The following RBPJ variants were observed in gnomAD, a reference collection of about 807,000 sequenced individuals.
RBPJ encodes the protein recombining binding protein suppressor of hairless.
RBPJ carries 9 observed loss-of-function variants against 67.8 expected under a neutral mutation model. The ratio of observed to expected loss-of-function variants is 0.13; its 90% confidence interval spans 0.08 to 0.23. RBPJ has a LOEUF of 0.23. Ranked by LOEUF, RBPJ falls within the 10% of genes least tolerant of loss-of-function variation. The probability of loss-of-function intolerance (pLI) is 1.00; values close to 1 mark genes in which losing one functional copy is unlikely to be tolerated. For synonymous variants in RBPJ, 198 were observed against 203.3 expected (o/e 0.97, Z 0.22); for missense variants, 305 against 595.6 (o/e 0.51, Z 5.08).
chr4:26,194,052 C>T (rs545568392), intron 1 of RBPJ, among the ~76,000 whole-genome samples: 2 of 152,338 alleles, frequency 1.3e-5, no homozygotes, highest in African/African-American at 4.8e-5. Flanking sequence ...CTGATTATTA[C>T]ACCCAATTAT....
chr4:26,280,395 CAAAA>C (rs11295196), intron 1 of RBPJ, among the ~76,000 whole-genome samples: 20 of 86,782 alleles, frequency 2.3e-4, no homozygotes, highest in African/African-American at 6.4e-4. Flanking sequence ...CACTTCATCT[CAAAA>C]AAAAAAAAAA....
intron 1 of RBPJ, among the ~76,000 whole-genome samples, chr4:26,333,953 C>T (rs962211154): frequency 2.0e-5 from 3 of 152,132 alleles, no homozygotes; most frequent in African/African-American, 7.2e-5. Flanking sequence ...AGTTGTGAGC[C>T]ACTGTACATG....
chr4:26,222,167 C>T lies in RBPJ; in HGVS notation c.-167+58553C>T, dbSNP rs114530054. Among the ~76,000 whole-genome samples the T allele has an allele frequency of 3.9e-3, 594 of 152,258 alleles. 2 individuals carry two copies. The highest frequency in any genetic ancestry group is 9.8e-3 in the Admixed American group (150 of 15,288). Reference sequence around the variant, plus strand: ...AAATGTTCTTGCCTTGCAGCAAAATCGTTCACTTCTAGATAGGTAGTTGGG... The same window carrying T: ...AAATGTTCTTGCCTTGCAGCAAAATTGTTCACTTCTAGATAGGTAGTTGGG... On this transcript the variant is annotated intron_variant, in intron 1 of 4. Coordinates refer to the RBPJ transcript ENST00000512351.
rs1720657067 is a variant in RBPJ, at chr4:26,264,979, G to A, written c.-166-97467G>A. Among the ~76,000 whole-genome samples, 1 of 152,154 alleles carries A rather than the reference G, an allele frequency of 6.6e-6. No homozygotes were observed. On this transcript the variant is annotated intron_variant, in intron 1 of 4. Coordinates refer to the RBPJ transcript ENST00000512351. The surrounding 1 kb of genome is among the most constrained non-coding windows in gnomAD (Gnocchi z 4.1). ...CCTGCAAATATGAGACTCAAAGAAA[G>A]GACAGATGGTTGAAGTATTTATACC...
At chr4:26,138,810 A>C in the RBPJ span, among the ~76,000 whole-genome samples, 59 of 152,360 alleles carry the variant, frequency 3.9e-4, no homozygotes, top group African/African-American at 1.3e-3. Context: ...ATGAGGCCTG[A>C]GGGCCAATCT....
intron 1 of RBPJ, among the ~76,000 whole-genome samples, chr4:26,299,885 T>A (rs1722020430): frequency 6.6e-6 from 1 of 151,912 alleles, no homozygotes; most frequent in African/African-American, 2.4e-5. Flanking sequence ...GAGACGGAGA[T>A]TCACCATGTT....
intron 1 of RBPJ, among the ~76,000 whole-genome samples, chr4:26,165,559 A>G (rs186891304): frequency 5.1e-4 from 78 of 152,318 alleles, no homozygotes; most frequent in Non-Finnish European, 1.0e-3. Flanking sequence ...AATCTGAATG[A>G]GGGAAGGGGG....
intron 1 of RBPJ, among the ~76,000 whole-genome samples, chr4:26,327,840 G>C (rs1487485708): frequency 6.6e-6 from 1 of 151,596 alleles, no homozygotes; most frequent in Non-Finnish European, 1.5e-5. Context: ...GAAAGACCCT[G>C]TCTCAAAAAA....
At chr4:26,234,858 A>G (rs1719405341) in intron 1 of RBPJ, among the ~76,000 whole-genome samples, 2 of 151,882 alleles carry the variant, frequency 1.3e-5, no homozygotes, top group Admixed American at 6.6e-5. Context: ...ACGCCCAGCT[A>G]ATTTTTGTAT....
chr4:26,381,794 T>C (rs1239314409), intron 1 of RBPJ, among the ~76,000 whole-genome samples: 1 of 152,176 alleles, frequency 6.6e-6, no homozygotes, highest in Non-Finnish European at 1.5e-5. Context: ...GTTTTTGTTG[T>C]TGTTGTTATT....
intron 1 of RBPJ, among the ~76,000 whole-genome samples, chr4:26,299,830 C>T (rs759299665): frequency 6.6e-6 from 1 of 151,870 alleles, no homozygotes; most frequent in Non-Finnish European, 1.5e-5. Context: ...AGATGCCTGC[C>T]ACCACGCCTG....
chr4:26,110,212 C>T, the RBPJ span, among the ~76,000 whole-genome samples: 13 of 152,194 alleles, frequency 8.5e-5, no homozygotes, highest in Non-Finnish European at 1.5e-4. The surrounding 1 kb of genome is among the most constrained non-coding windows in gnomAD (Gnocchi z 4.5). Context: ...GTACTTCTTA[C>T]TCCATCTCCT....
chr4:26,280,302 G>A (rs376219266), intron 1 of RBPJ, among the ~76,000 whole-genome samples: 34 of 151,306 alleles, frequency 2.2e-4, no homozygotes, highest in East Asian at 9.9e-4. Context: ...AGGCTGAGGC[G>A]GGAGAATTGC....
intron 3 of RBPJ, among the ~76,000 whole-genome samples, chr4:26,411,191 C>T (rs750958662): frequency 5.9e-5 from 9 of 151,818 alleles, no homozygotes; most frequent in Non-Finnish European, 1.2e-4. Flanking sequence ...CAGGAGGATC[C>T]CTTGAGACCA....
chr4:26,174,319 G>A (rs4343715), intron 1 of RBPJ, among the ~76,000 whole-genome samples: 1 of 151,928 alleles, frequency 6.6e-6, no homozygotes, highest in Non-Finnish European at 1.5e-5. Flanking sequence ...GACTTCCTCT[G>A]GTGACTGACA....
intron 1 of RBPJ, among the ~76,000 whole-genome samples, chr4:26,381,550 A>C (rs527509069): frequency 3.3e-5 from 5 of 152,314 alleles, no homozygotes; most frequent in African/African-American, 1.2e-4. Flanking sequence ...GAGGAAAGCT[A>C]GTGAAATTAA....
At chr4:26,234,718 A>G (rs1352830635) in intron 1 of RBPJ, among the ~76,000 whole-genome samples, 1 of 151,978 alleles carries the variant, frequency 6.6e-6, no homozygotes, top group Non-Finnish European at 1.5e-5. Flanking sequence ...TTTGAGATAG[A>G]GTCTCGCTCT....
intron 1 of RBPJ, among the ~76,000 whole-genome samples, chr4:26,312,101 C>A (rs1169635287): frequency 6.6e-6 from 1 of 152,076 alleles, no homozygotes; most frequent in South Asian, 2.1e-4. Context: ...GTTCTGAGGA[C>A]CACAGCTCTA....
At chr4:26,159,847 C>T (rs1716044346), upstream of RBPJ, among the ~76,000 whole-genome samples, 1 of 151,992 alleles carries the variant, frequency 6.6e-6, no homozygotes, top group African/African-American at 2.4e-5. Flanking sequence ...ATGGTACCAG[C>T]AGTTACCATT....
Sources: gnomAD v4.1 joint callset for allele counts (sites outside exome capture counted in the v4.1 genomes callset) on GRCh38, gnomAD v4.1.1 for gene constraint, Gnocchi (gnomAD v3.1) non-coding constraint, MANE v1.5 for transcripts, NCBI Gene and HGNC (gene_info 2026-07-23, HGNC 2026-07-21) for gene names.